The following SIL1 variants were observed in gnomAD, a reference collection of about 807,000 sequenced individuals.
The protein encoded by SIL1 is nucleotide exchange factor SIL1.
In SIL1, 40 loss-of-function variants were observed where a neutral mutation model predicts 49.1. The ratio of observed to expected loss-of-function variants is 0.81; its 90% CI spans 0.63 to 1.06. The LOEUF is 1.06. Ranked by LOEUF, SIL1 falls within the 50% of genes least tolerant of loss-of-function variation. The pLI, the probability that SIL1 is intolerant of heterozygous loss-of-function variation, is 0.00. For missense variants in SIL1, 500 were observed against 572.6 expected, an observed-to-expected ratio of 0.87 and a Z score of 1.29; for synonymous variants, 253 against 250.8, an observed-to-expected ratio of 1.01 and a Z score of -0.08.
chr5:138,994,416 C>T (rs1422771103), intron 7 of SIL1, among the ~76,000 whole-genome samples: 1 of 152,122 alleles, frequency 6.6e-6, no homozygotes, highest in Non-Finnish European at 1.5e-5. Context: ...GATTGATTCA[C>T]TACCTATATG....
intron 7 of SIL1, among the ~76,000 whole-genome samples, chr5:138,957,726 G>A (rs1365195054): frequency 6.6e-6 from 1 of 152,004 alleles, no homozygotes; most frequent in East Asian, 1.9e-4. Context: ...TAAAATATTT[G>A]AGAGTAATTG....
At chr5:138,959,472 C>A (rs1396415134) in intron 7 of SIL1, among the ~76,000 whole-genome samples, 1 of 152,244 alleles carries the variant, frequency 6.6e-6, no homozygotes, top group African/African-American at 2.4e-5. Context: ...AATCTGCTCT[C>A]ATGAAGCTTA....
chr5:139,006,612 A>G (rs905049292), intron 7 of SIL1, among the ~76,000 whole-genome samples: 5 of 151,692 alleles, frequency 3.3e-5, no homozygotes, highest in Non-Finnish European at 7.4e-5. Flanking sequence ...CTTTTTTTTT[A>G]ATCCATCTTG....
intron 7 of SIL1, among the ~76,000 whole-genome samples, chr5:138,983,967 G>C (rs1561815414): frequency 6.6e-6 from 1 of 152,204 alleles, no homozygotes. Context: ...GTGTCATCCT[G>C]AAGGCTAAAA....
chr5:138,983,198 CAAAAAAAAAAAAAAAA>C (rs33926268), intron 7 of SIL1, among the ~76,000 whole-genome samples: 3 of 28,102 alleles, frequency 1.1e-4, no homozygotes, highest in Non-Finnish European at 1.7e-4. Context: ...GACACTGTCT[CAAAAAAAAAAAAAAAA>C]AAAAAAAAAA....
chr5:139,109,816 A>C (rs1770803996), intron 3 of SIL1, among the ~76,000 whole-genome samples: 1 of 136,892 alleles, frequency 7.3e-6, no homozygotes, highest in Admixed American at 7.8e-5. Context: ...CTTCCATTCT[A>C]GGATCCTCTC....
intron 1 of SIL1, among the ~76,000 whole-genome samples, chr5:139,165,500 C>G (rs924707125): frequency 2.0e-5 from 3 of 152,056 alleles, no homozygotes; most frequent in Non-Finnish European, 4.4e-5. Flanking sequence ...AGGCACATGC[C>G]ACCACACCTG....
intron 7 of SIL1, among the ~76,000 whole-genome samples, chr5:138,982,492 A>G (rs1581004568): frequency 6.6e-6 from 1 of 152,266 alleles, no homozygotes. Context: ...CACTGTTAAT[A>G]ACAACAACAA....
intron 3 of SIL1, among the ~76,000 whole-genome samples, chr5:139,111,373 C>T (rs1770834568): frequency 1.3e-5 from 2 of 152,190 alleles, no homozygotes; most frequent in Non-Finnish European, 2.9e-5. Context: ...TAACTTTGCC[C>T]CATCAATGAT....
chr5:139,074,689 A>C (rs1209788202), intron 3 of SIL1, among the ~76,000 whole-genome samples: 2 of 152,214 alleles, frequency 1.3e-5, no homozygotes, highest in African/African-American at 4.8e-5. Flanking sequence ...TGTGTACTTC[A>C]GGAGGATTTG....
chr5:139,032,632 T>C (rs1581045090), intron 5 of SIL1, among the ~76,000 whole-genome samples: 1 of 152,204 alleles, frequency 6.6e-6, no homozygotes, highest in African/African-American at 2.4e-5. Context: ...CTGTGTAGAA[T>C]TGACGCCAGT....
intron 1 of SIL1, among the ~76,000 whole-genome samples, chr5:139,192,074 C>CAAAAA (rs10700186): frequency 3.0e-5 from 2 of 67,208 alleles, no homozygotes; most frequent in Non-Finnish European, 5.4e-5. Flanking sequence ...GATGCTGTCT[C>CAAAAA]AAAAAAAAAA....
chr5:139,020,725 A>C (rs1236640220), intron 7 of SIL1, among the ~76,000 whole-genome samples: 1 of 152,236 alleles, frequency 6.6e-6, no homozygotes, highest in Non-Finnish European at 1.5e-5. Flanking sequence ...AGAGAGGGCG[A>C]TAATCTGACG....
intron 3 of SIL1, among the ~76,000 whole-genome samples, chr5:139,097,487 T>C (rs1215285669): frequency 5.3e-5 from 5 of 94,142 alleles, no homozygotes; most frequent in African/African-American, 1.7e-4. Flanking sequence ...GCATTTCTCT[T>C]TTTTTTTTTT....
At chr5:139,104,457 G>T (rs1007723205) in intron 3 of SIL1, among the ~76,000 whole-genome samples, 1 of 152,186 alleles carries the variant, frequency 6.6e-6, no homozygotes, top group Non-Finnish European at 1.5e-5. Flanking sequence ...GTCTTGTCCA[G>T]AGATGGGTAA....
chr5:139,003,224 C>T (rs1246376093), intron 7 of SIL1, among the ~76,000 whole-genome samples: 1 of 152,102 alleles, frequency 6.6e-6, no homozygotes, highest in African/African-American at 2.4e-5. Context: ...ACTCTCCCAC[C>T]CCCCAACTCC....
intron 1 of SIL1, among the ~76,000 whole-genome samples, chr5:139,179,101 C>G (rs1326966636): frequency 6.6e-6 from 1 of 152,192 alleles, no homozygotes; most frequent in African/African-American, 2.4e-5. Context: ...CAGAAACAGT[C>G]TAAAAAGATA....
At chr5:138,952,605 CTGAA>C (rs1490064972) in intron 7 of SIL1, among the ~76,000 whole-genome samples, 1 of 152,246 alleles carries the variant, frequency 6.6e-6, no homozygotes, top group Non-Finnish European at 1.5e-5. Context: ...GAATGAACGA[CTGAA>C]CGAACGAACG....
intron 1 of SIL1, among the ~76,000 whole-genome samples, chr5:139,164,981 T>C (rs893683494): frequency 1.3e-4 from 20 of 152,248 alleles, no homozygotes; most frequent in African/African-American, 4.8e-4. Context: ...TGAATGGCCC[T>C]GCAAAGTGAT....
Sources: allele counts gnomAD v4.1 joint callset (sites outside exome capture counted in the v4.1 genomes callset), GRCh38; gene constraint gnomAD v4.1.1; transcripts MANE v1.5; gene names NCBI Gene and HGNC (gene_info 2026-07-23, HGNC 2026-07-21).